Variants in B3GALT1 observed in about 807,000 individuals in gnomAD.
B3GALT1 encodes the protein UDP-Gal:betaGlcNAc beta 1,3-galactosyltransferase, polypeptide 1.
A neutral mutation model predicts 23.2 loss-of-function variants in B3GALT1; 10 were observed. The observed-to-expected ratio is 0.43, with a 90% confidence interval of 0.27 to 0.73. The LOEUF is 0.73. B3GALT1 is among the 30% of genes least tolerant of loss of function. The pLI, the probability that B3GALT1 is intolerant of heterozygous loss-of-function variation, is 0.21. For synonymous variants in B3GALT1, 156 were observed against 141.5 expected, an observed-to-expected ratio of 1.10 and a Z score of -0.73; for missense variants, 299 against 405.4, an observed-to-expected ratio of 0.74 and a Z score of 2.25.
intron 3 of B3GALT1, among the ~76,000 whole-genome samples, chr2:167,799,308 C>T (rs191421119): frequency 6.6e-6 from 1 of 152,162 alleles, no homozygotes; most frequent in East Asian, 1.9e-4. Flanking sequence ...GTACATTGTA[C>T]CCAATAGGTG....
intron 3 of B3GALT1, among the ~76,000 whole-genome samples, chr2:167,767,264 G>A (rs144041997): frequency 3.9e-5 from 6 of 152,280 alleles, no homozygotes; most frequent in African/African-American, 9.6e-5. Context: ...ATTTGAAGTG[G>A]ATGTTCTGCT....
intron 3 of B3GALT1, among the ~76,000 whole-genome samples, chr2:167,709,563 G>T (rs758472965): frequency 8.5e-5 from 13 of 152,254 alleles, no homozygotes; most frequent in Non-Finnish European, 1.6e-4. Context: ...TGTGAGTGGA[G>T]CAGAGTTATG....
At chr2:167,501,326 C>T (rs918086167) in intron 2 of B3GALT1, among the ~76,000 whole-genome samples, 1 of 151,700 alleles carries the variant, frequency 6.6e-6, no homozygotes, top group African/African-American at 2.4e-5. Flanking sequence ...TGTGTATTAA[C>T]TCAGTATTTA....
At chr2:167,800,034 A>G (rs1044410680) in intron 3 of B3GALT1, among the ~76,000 whole-genome samples, 1 of 152,152 alleles carries the variant, frequency 6.6e-6, no homozygotes, top group African/African-American at 2.4e-5. Context: ...AAGGATTTTT[A>G]TCTGTTTTGT....
At chr2:167,850,832 G>A (rs770884983) in intron 4 of B3GALT1, among the ~76,000 whole-genome samples, 1 of 152,174 alleles carries the variant, frequency 6.6e-6, no homozygotes, top group East Asian at 1.9e-4. Flanking sequence ...GTGGGAGGGG[G>A]CCGAGGGATA....
At chr2:167,567,809 T>G (rs1009343364) in intron 2 of B3GALT1, among the ~76,000 whole-genome samples, 4 of 152,162 alleles carry the variant, frequency 2.6e-5, no homozygotes, top group Admixed American at 6.5e-5. Flanking sequence ...TTTAGACACA[T>G]GTACAATGAC....
At chr2:167,815,798 T>G (rs1688982833) in intron 3 of B3GALT1, among the ~76,000 whole-genome samples, 1 of 152,206 alleles carries the variant, frequency 6.6e-6, no homozygotes, top group Admixed American at 6.5e-5. Context: ...AATTGTAAAC[T>G]AGATTAAAAT....
chr2:167,842,491 A>G (rs889741976), intron 4 of B3GALT1, among the ~76,000 whole-genome samples: 31 of 152,354 alleles, frequency 2.0e-4, no homozygotes, highest in African/African-American at 6.7e-4. Context: ...CTTAGTAAAG[A>G]CAATAGTAAT....
At chr2:167,613,274 C>T (rs1465431393) in intron 2 of B3GALT1, among the ~76,000 whole-genome samples, 2 of 151,700 alleles carry the variant, frequency 1.3e-5, no homozygotes, top group African/African-American at 4.8e-5. Flanking sequence ...GTATATACTA[C>T]AGAAATGCCT....
At chr2:167,361,892 G>C (rs1243981931) in intron 1 of B3GALT1, among the ~76,000 whole-genome samples, 1 of 152,064 alleles carries the variant, frequency 6.6e-6, no homozygotes, top group African/African-American at 2.4e-5. Flanking sequence ...TGGCCAACAT[G>C]ATGAAACCCC....
At chr2:167,405,457 CTTA>C (rs1312315076) in intron 1 of B3GALT1, among the ~76,000 whole-genome samples, 12 of 151,854 alleles carry the variant, frequency 7.9e-5, no homozygotes, top group Non-Finnish European at 1.2e-4. Context: ...GAAATCTTTC[CTTA>C]TTATAATGAA....
intron 3 of B3GALT1, among the ~76,000 whole-genome samples, chr2:167,752,640 A>G (rs887094763): frequency 8.6e-5 from 11 of 127,424 alleles, no homozygotes; most frequent in African/African-American, 2.1e-4. Context: ...GCTTCTCTAG[A>G]TAAGATTTGT....
chr2:167,544,375 G>A (rs1161856173), intron 2 of B3GALT1, among the ~76,000 whole-genome samples: 1 of 151,926 alleles, frequency 6.6e-6, no homozygotes, highest in Non-Finnish European at 1.5e-5. Flanking sequence ...GTTCACTGCA[G>A]CCTCCACCTC....
intron 2 of B3GALT1, among the ~76,000 whole-genome samples, chr2:167,497,567 G>C (rs923758133): frequency 3.3e-5 from 5 of 152,120 alleles, no homozygotes; most frequent in African/African-American, 9.7e-5. Flanking sequence ...TGGGACAAAA[G>C]AGATAAAAAG....
rs149529438 is a variant in B3GALT1, at chr2:167,870,021, G to A, written c.*1G>A. On this transcript the variant is annotated 3_prime_UTR_variant, in exon 5 of 5. Coordinates refer to ENST00000392690, the MANE Select transcript of B3GALT1 (RefSeq NM_020981.4). ...AAGCAAGAAACATCTCAGATGTTAG[G>A]ATTTTTACCAATGTAAATATGTTTC... 2.3e-4 allele frequency: 364 copies of A among 1,584,644 alleles called. 1 individual carries two copies. In the African/African-American group the frequency reaches 4.4e-3, roughly 19 times the overall value.
intron 1 of B3GALT1, among the ~76,000 whole-genome samples, chr2:167,428,985 A>C (rs191979930): frequency 2.0e-3 from 308 of 152,212 alleles, no homozygotes; most frequent in African/African-American, 7.1e-3. Flanking sequence ...TACAATAAAG[A>C]AATAAATGTT....
chr2:167,790,531 T>C (rs1688420210), intron 3 of B3GALT1, among the ~76,000 whole-genome samples: 1 of 152,340 alleles, frequency 6.6e-6, no homozygotes, highest in African/African-American at 2.4e-5. Context: ...CCACACGCTT[T>C]CCATGCACAA....
intron 1 of B3GALT1, among the ~76,000 whole-genome samples, chr2:167,319,242 C>A (rs1000820086): frequency 6.6e-6 from 1 of 152,048 alleles, no homozygotes; most frequent in Non-Finnish European, 1.5e-5. Flanking sequence ...CTACAATAGG[C>A]AGATCTGCAT....
intron 2 of B3GALT1, among the ~76,000 whole-genome samples, chr2:167,532,321 G>A (rs1002445086): frequency 1.2e-4 from 19 of 152,086 alleles, no homozygotes; most frequent in African/African-American, 4.6e-4. Flanking sequence ...AATGTTCAAG[G>A]CCATTGAACC....
Sources: allele counts gnomAD v4.1 joint callset (sites outside exome capture counted in the v4.1 genomes callset), GRCh38; gene constraint gnomAD v4.1.1; transcripts MANE v1.5; gene names NCBI Gene and HGNC (gene_info 2026-07-23, HGNC 2026-07-21).